TRPC4: variants seen among roughly 807,000 people sequenced by gnomAD.
TRPC4 encodes short transient receptor potential channel 4.
A neutral mutation model predicts 99.4 loss-of-function variants in TRPC4; 49 were observed. The ratio of observed to expected loss-of-function variants is 0.49; its 90% CI spans 0.39 to 0.63. The LOEUF (loss-of-function observed/expected upper bound fraction) is 0.63. Among genes scored for constraint, TRPC4 ranks in the 20% least tolerant of loss-of-function variants. The pLI is 0.00. For missense variants in TRPC4, 898 were observed against 1,152.9 expected, an observed-to-expected ratio of 0.78 and a Z score of 3.20; for synonymous variants, 454 against 425.9, an observed-to-expected ratio of 1.07 and a Z score of -0.81.
rs1396398448 is a variant in TRPC4 at position 37,828,456 on chromosome 13, C to T, written c.-28+41139G>A. Among the ~76,000 whole-genome samples, 4 of 152,236 alleles carry T rather than the reference C, an allele frequency of 2.6e-5. No homozygotes were observed. The South Asian group carries it at 8.3e-4, about 32-fold the overall frequency. On this transcript the variant is annotated intron_variant, in intron 1 of 10. Transcript: ENST00000379705. ...TTTCAAAGAACTTAAAATCAAAATA[C>T]CATTTAACACACCCATTCCATTATT...
At chr13:37,752,394 A>T (rs1324182032) in intron 2 of TRPC4, among the ~76,000 whole-genome samples, 1 of 151,918 alleles carries the variant, frequency 6.6e-6, no homozygotes, top group Non-Finnish European at 1.5e-5. Context: ...TTCTGCACAC[A>T]GGTGACTGCC....
At chr13:37,758,935 C>A (rs149866009) in intron 2 of TRPC4, among the ~76,000 whole-genome samples, 1 of 151,492 alleles carries the variant, frequency 6.6e-6, no homozygotes, top group East Asian at 1.9e-4. Flanking sequence ...TAAATATATG[C>A]ATTTAGTACC....
At position 37,637,095 on chromosome 13, in the gene TRPC4, C is replaced by T. The variant is rs147153854; in HGVS notation, c.2742G>A (p.Arg914=). The change falls in exon 11 of 11, where the codon AGG becomes AGA. Residue 914 remains arginine (R), a synonymous_variant. Coordinates refer to ENST00000379705, the MANE Select transcript of TRPC4 (RefSeq NM_016179.4). ...CCTGTAACCCCAGTGTGTCCGTATT[C>T]CTTTCTCTATGGTCTACTAACACAC... The part of the protein sequence containing the change: ...EQCVLVDHRE[R]NTDTLGLQVG... 4.0e-5 allele frequency: 65 copies of T among 1,613,606 alleles called. No individual in the cohort carries two copies. The African/African-American group carries it at 8.4e-4, about 21-fold the overall frequency.
chr13:37,661,886 A>T (rs1468519828), intron 6 of TRPC4, among the ~76,000 whole-genome samples: 1 of 152,122 alleles, frequency 6.6e-6, no homozygotes, highest in Non-Finnish European at 1.5e-5. Context: ...CATGCTAGTT[A>T]TGAGGATGTT....
chr13:37,820,467 C>T (rs1404243671), intron 1 of TRPC4, among the ~76,000 whole-genome samples: 1 of 152,008 alleles, frequency 6.6e-6, no homozygotes, highest in East Asian at 1.9e-4. Flanking sequence ...ACACCCAAAC[C>T]TTACGGAGAC....
chr13:37,682,119 C>T (rs1003359298), intron 4 of TRPC4, among the ~76,000 whole-genome samples: 1 of 152,140 alleles, frequency 6.6e-6, no homozygotes, highest in Non-Finnish European at 1.5e-5. Context: ...CCTGTCATTC[C>T]CTTTCTTACT....
intron 1 of TRPC4, among the ~76,000 whole-genome samples, chr13:37,851,117 C>A (rs932160611): frequency 6.6e-6 from 1 of 152,156 alleles, no homozygotes; most frequent in Non-Finnish European, 1.5e-5. Context: ...TCAAGGCCCA[C>A]AGGCCCCACA....
At chr13:37,705,747 T>A (rs1954253264) in intron 3 of TRPC4, among the ~76,000 whole-genome samples, 1 of 152,108 alleles carries the variant, frequency 6.6e-6, no homozygotes, top group South Asian at 2.1e-4. Flanking sequence ...AACTCTGAAC[T>A]ATTTCATAGT....
intron 2 of TRPC4, among the ~76,000 whole-genome samples, chr13:37,779,622 C>T (rs1956788130): frequency 6.6e-6 from 1 of 151,766 alleles, no homozygotes; most frequent in African/African-American, 2.4e-5. Flanking sequence ...AAAAGAAAAC[C>T]AATGTCAGAA....
intron 1 of TRPC4, among the ~76,000 whole-genome samples, chr13:37,837,895 A>C (rs1958610897): frequency 6.6e-6 from 1 of 152,132 alleles, no homozygotes. Context: ...AGTGGGAGAT[A>C]ATTGAATCAT....
chr13:37,797,175 T>A (rs1266048808), intron 1 of TRPC4, among the ~76,000 whole-genome samples: 1 of 151,184 alleles, frequency 6.6e-6, no homozygotes, highest in South Asian at 2.1e-4. Context: ...GCAAGACCTG[T>A]CTTAAAAAAT....
chr13:37,716,714 T>TA (rs960205427), intron 3 of TRPC4, among the ~76,000 whole-genome samples: 29 of 151,922 alleles, frequency 1.9e-4, no homozygotes, highest in African/African-American at 5.8e-4. Flanking sequence ...AAACAGATCT[T>TA]AAAAAAAACC....
chr13:37,814,312 G>C (rs1312003910), intron 1 of TRPC4, among the ~76,000 whole-genome samples: 2 of 150,260 alleles, frequency 1.3e-5, no homozygotes, highest in Non-Finnish European at 3.0e-5. Context: ...CAATATACTA[G>C]AGGTTTTGAC....
chr13:37,656,747 C>G (rs1440096699), intron 6 of TRPC4, among the ~76,000 whole-genome samples: 1 of 152,120 alleles, frequency 6.6e-6, no homozygotes, highest in East Asian at 1.9e-4. Flanking sequence ...TGAGACAGCA[C>G]AAACTAAGAA....
At chr13:37,720,334 C>T (rs1407864834) in intron 3 of TRPC4, among the ~76,000 whole-genome samples, 2 of 152,122 alleles carry the variant, frequency 1.3e-5, no homozygotes, top group Admixed American at 1.3e-4. Flanking sequence ...AAAGGTATAG[C>T]TATCTAGGGC....
At chr13:37,856,745 G>GTGA (rs1299022299) in intron 1 of TRPC4, among the ~76,000 whole-genome samples, 3 of 151,602 alleles carry the variant, frequency 2.0e-5, no homozygotes, top group Admixed American at 6.6e-5. Context: ...ATCAATCAGT[G>GTGA]TGATACATCA....
chr13:37,842,367 AAAAG>A (rs1478194465), intron 1 of TRPC4, among the ~76,000 whole-genome samples: 23 of 140,816 alleles, frequency 1.6e-4, no homozygotes, highest in Non-Finnish European at 3.4e-4. Flanking sequence ...AAAAAAAAAA[AAAAG>A]GAAAAGGAAA....
chr13:37,652,155 A>G lies in TRPC4; in HGVS notation c.1885-696T>C, dbSNP rs141532909. ...ATTAACCTCCTGAGGAAACTTTGGT[A>G]CATTTGTGGCAATTAGATTTGGGAC... is the stretch of plus-strand genomic sequence containing the variant. On this transcript the variant is annotated intron_variant, in intron 7 of 10. Transcript: ENST00000379705. Among the ~76,000 whole-genome samples, 228 of 152,356 alleles carry G rather than the reference A, an allele frequency of 1.5e-3. 2 individuals carry two copies. The highest frequency in any genetic ancestry group is 5.1e-3 in the African/African-American group (213 of 41,580).
chr13:37,703,210 G>T (rs966767824), intron 3 of TRPC4, among the ~76,000 whole-genome samples: 1 of 152,102 alleles, frequency 6.6e-6, no homozygotes, highest in African/African-American at 2.4e-5. Context: ...TATCCACATA[G>T]CTCCTCTTTA....
Sources: allele counts gnomAD v4.1 joint callset (sites outside exome capture counted in the v4.1 genomes callset), GRCh38; gene constraint gnomAD v4.1.1; transcripts MANE v1.5; gene names NCBI Gene and HGNC (gene_info 2026-07-23, HGNC 2026-07-21).